TSPAN18: variants seen among roughly 807,000 people sequenced by gnomAD.
TSPAN18 encodes the protein tetraspanin 18, also known as tetraspanin-18.
Under a neutral mutation model 27.3 loss-of-function variants are expected in TSPAN18, and 14 were observed. That is an observed-to-expected ratio of 0.51 (90% CI 0.34 to 0.80). TSPAN18 has a LOEUF of 0.80. TSPAN18 is among the 30% of genes least tolerant of loss of function. The probability of loss-of-function intolerance (pLI) is 0.01; values close to 1 mark genes in which losing one functional copy is unlikely to be tolerated. For missense variants in TSPAN18, 268 were observed against 323.9 expected, an observed-to-expected ratio of 0.83 and a Z score of 1.32; for synonymous variants, 143 against 136.5, an observed-to-expected ratio of 1.05 and a Z score of -0.33.
intron 1 of TSPAN18, among the ~76,000 whole-genome samples, chr11:44,751,984 A>C (rs1855221701): frequency 6.6e-6 from 1 of 151,636 alleles, no homozygotes. Flanking sequence ...TATTTTGCGT[A>C]TGTTTCTTCC....
At chr11:44,744,987 GA>G (rs200851452) in intron 1 of TSPAN18, among the ~76,000 whole-genome samples, 5,561 of 152,280 alleles carry the variant, frequency 0.037, 136 homozygotes, top group Middle Eastern at 0.054. Context: ...ATGGTTGGAG[GA>G]GGGTGGAATG....
At chr11:44,846,624 G>GTCTA (rs910415762) in intron 2 of TSPAN18, among the ~76,000 whole-genome samples, 9 of 152,164 alleles carry the variant, frequency 5.9e-5, no homozygotes, top group Admixed American at 3.3e-4. Context: ...GTGTCTATGT[G>GTCTA]TCTATGTCTG....
intron 4 of TSPAN18, among the ~76,000 whole-genome samples, chr11:44,908,104 G>A (rs1024188940): frequency 6.7e-6 from 1 of 149,386 alleles, no homozygotes; most frequent in Non-Finnish European, 1.5e-5. Context: ...TGGCAAAAAT[G>A]GAAACCCTGT....
chr11:44,929,298 TGGCCAGGAGAAG>T lies in TSPAN18; in HGVS notation c.*128_*139del. On this transcript the variant is annotated 3_prime_UTR_variant, in exon 10 of 10. Coordinates refer to ENST00000520358, the MANE Select transcript of TSPAN18 (RefSeq NM_130783.5). ...GGGGAGAAGATGAGGCCATCAGAGA[TGGCCAGGAGAAG>T]GGCCAGGGGAATAGAGCTATTTTTT... 7.8e-7 allele frequency: 1 copy of T among 1,275,950 alleles called. No individual in the cohort carries two copies. Among genetic ancestry groups the T allele is most frequent in the Non-Finnish European group, 1.1e-6 (1 of 901,838 alleles). The allele number at this position is 1,275,950 out of a possible 1,614,324, so 79.0% of individuals were successfully genotyped here.
chr11:44,926,730 C>CAGTA lies in TSPAN18; in HGVS notation c.672_673insAGTA (p.Leu225SerfsTer31). On this transcript the variant is annotated frameshift_variant, in exon 9 of 10. Transcript: ENST00000520358. LOFTEE classifies it high-confidence loss of function. ...AGACCTACGTCTACTTGGCCGGAGCCCTTGCCATCGGGGTACTGGCCATCG... is the reference window on the plus strand; with the variant it reads ...AGACCTACGTCTACTTGGCCGGAGCCAGTACTTGCCATCGGGGTACTGGCCATCG... 6.2e-7 allele frequency: 1 copy of CAGTA among 1,614,168 alleles called. No individual in the cohort carries two copies. Among genetic ancestry groups the CAGTA allele is most frequent in the Non-Finnish European group, 8.5e-7 (1 of 1,180,014 alleles).
At chr11:44,796,797 G>A (rs1856360458) in intron 2 of TSPAN18, among the ~76,000 whole-genome samples, 2 of 152,100 alleles carry the variant, frequency 1.3e-5, no homozygotes, top group Non-Finnish European at 2.9e-5. Flanking sequence ...AGGGTGTGTA[G>A]GTATCTATTC....
intron 2 of TSPAN18, among the ~76,000 whole-genome samples, chr11:44,852,314 TAAC>T (rs1261308874): frequency 6.6e-6 from 1 of 152,180 alleles, no homozygotes; most frequent in Non-Finnish European, 1.5e-5. Context: ...TTACACGTAG[TAAC>T]AACACTATCA....
intron 3 of TSPAN18, among the ~76,000 whole-genome samples, chr11:44,901,634 A>T (rs1859266292): frequency 6.6e-6 from 1 of 152,246 alleles, no homozygotes; most frequent in African/African-American, 2.4e-5. Flanking sequence ...CCAGAGACAG[A>T]AAGTGATTTG....
In TSPAN18 at chr11:44,919,859, G is replaced by C; in HGVS notation, c.475G>C (p.Ala159Pro). 2 of 1,614,232 alleles carry C rather than the reference G, an allele frequency of 1.2e-6. No homozygotes were observed. Among genetic ancestry groups the C allele is most frequent in the Admixed American group, 1.7e-5 (1 of 60,032 alleles). The change falls in exon 8 of 10, where the codon GCA becomes CCA. Residue 159 changes from alanine to proline, a missense_variant. Coordinates refer to ENST00000520358, the MANE Select transcript of TSPAN18 (RefSeq NM_130783.5). ...GVNGPEDFKFASVFRLLTLDS... is the reference protein window; with the variant it reads ...GVNGPEDFKFPSVFRLLTLDS... ...CAACGGGCCTGAAGACTTTAAGTTT[G>C]CATCTGTGTTTCGACTCCTGACCCT...
intron 2 of TSPAN18, among the ~76,000 whole-genome samples, chr11:44,851,655 CTCTCT>C (rs1857609500): frequency 6.6e-6 from 1 of 150,702 alleles, no homozygotes; most frequent in Non-Finnish European, 1.5e-5. Context: ...CCTCCCTCCT[CTCTCT>C]TCTCATACAT....
chr11:44,800,216 C>T (rs542070652), intron 2 of TSPAN18, among the ~76,000 whole-genome samples: 1 of 152,130 alleles, frequency 6.6e-6, no homozygotes, highest in South Asian at 2.1e-4. Context: ...CCCCAGGGCA[C>T]GTGCTTTAAG....
At chr11:44,809,928 A>C (rs1208205704) in intron 2 of TSPAN18, among the ~76,000 whole-genome samples, 27 of 152,184 alleles carry the variant, frequency 1.8e-4, no homozygotes. Flanking sequence ...GGGTCCTCAC[A>C]CAGCCCTGCA....
chr11:44,811,697 G>T (rs1017550411), intron 2 of TSPAN18, among the ~76,000 whole-genome samples: 1 of 152,090 alleles, frequency 6.6e-6, no homozygotes, highest in African/African-American at 2.4e-5. Flanking sequence ...CCTGACCTCA[G>T]GTGATCCACC....
intron 1 of TSPAN18, among the ~76,000 whole-genome samples, chr11:44,732,108 G>A (rs927315720): frequency 2.0e-5 from 3 of 152,238 alleles, no homozygotes; most frequent in Non-Finnish European, 4.4e-5. Context: ...CGTGGGCTGG[G>A]CCCGGTCCGT....
chr11:44,790,350 T>C (rs1856175345), intron 2 of TSPAN18, among the ~76,000 whole-genome samples: 1 of 148,928 alleles, frequency 6.7e-6, no homozygotes, highest in Admixed American at 6.6e-5. Flanking sequence ...CATGTGTTGG[T>C]GTGTGTGGGT....
At chr11:44,893,581 C>T (rs1356990409) in intron 3 of TSPAN18, among the ~76,000 whole-genome samples, 1 of 152,188 alleles carries the variant, frequency 6.6e-6, no homozygotes, top group East Asian at 1.9e-4. Context: ...AGGCCTCGGG[C>T]CGGCGTCCTG....
intron 3 of TSPAN18, among the ~76,000 whole-genome samples, chr11:44,900,298 G>C (rs1386537503): frequency 6.6e-6 from 1 of 152,216 alleles, no homozygotes; most frequent in Non-Finnish European, 1.5e-5. Context: ...GAGAATAATG[G>C]GAGATCAAAT....
intron 2 of TSPAN18, among the ~76,000 whole-genome samples, chr11:44,804,964 AGAG>A (rs910473644): frequency 2.6e-5 from 4 of 152,216 alleles, no homozygotes; most frequent in African/African-American, 9.6e-5. Context: ...GGGAGGATGC[AGAG>A]AAGAAGTCAG....
intron 2 of TSPAN18, among the ~76,000 whole-genome samples, chr11:44,766,602 C>T (rs748819988): frequency 7.9e-5 from 12 of 152,214 alleles, no homozygotes; most frequent in Admixed American, 2.0e-4. Context: ...TCTTTAAGTG[C>T]AGAGCAAAGC....
Sources: gnomAD v4.1 joint callset for allele counts (sites outside exome capture counted in the v4.1 genomes callset) on GRCh38, gnomAD v4.1.1 for gene constraint, MANE v1.5 for transcripts, NCBI Gene and HGNC (gene_info 2026-07-23, HGNC 2026-07-21) for gene names.